GRID1: variants seen among roughly 807,000 people sequenced by gnomAD.
GRID1 encodes the protein glutamate ionotropic receptor delta type subunit 1, also known as glutamate receptor ionotropic, delta-1.
In GRID1, 28 loss-of-function variants were observed where a neutral mutation model predicts 98.0. The observed-to-expected ratio is 0.29, with a 90% CI of 0.21 to 0.39. The LOEUF is 0.39. Among genes scored for constraint, GRID1 ranks in the 10% least tolerant of loss-of-function variants. The pLI, the probability that GRID1 is intolerant of heterozygous loss-of-function variation, is 1.00. For synonymous variants in GRID1, 553 were observed against 538.5 expected, an observed-to-expected ratio of 1.03 and a Z score of -0.37; for missense variants, 1,111 against 1,340.5, an observed-to-expected ratio of 0.83 and a Z score of 2.67.
At chr10:86,028,615 G>A (rs544754590) in intron 4 of GRID1, among the ~76,000 whole-genome samples, 1 of 152,190 alleles carries the variant, frequency 6.6e-6, no homozygotes, top group African/African-American at 2.4e-5. Flanking sequence ...AGCATGTGAT[G>A]CTCAGTCTTT....
At chr10:85,724,203 T>C in intron 11 of GRID1, 149 bp downstream of exon 11, 1 of 575,816 alleles carries the variant, frequency 1.7e-6, no homozygotes. Flanking sequence ...TCAGAGAAAT[T>C]GGGTGCAGCA....
chr10:86,323,930 G>GGTGTAAT (rs1451868090), intron 2 of GRID1, among the ~76,000 whole-genome samples: 1 of 152,192 alleles, frequency 6.6e-6, no homozygotes, highest in Admixed American at 6.5e-5. Flanking sequence ...TGTAATCCCA[G>GGTGTAAT]CACTTCGGGA....
intron 4 of GRID1, among the ~76,000 whole-genome samples, chr10:85,953,247 T>C (rs928774894): frequency 6.6e-6 from 1 of 152,088 alleles, no homozygotes; most frequent in Non-Finnish European, 1.5e-5. Context: ...CTGGAGGCCA[T>C]TATTCTTAGC....
chr10:86,242,517 C>T (rs1040008536), intron 2 of GRID1, among the ~76,000 whole-genome samples: 1 of 152,204 alleles, frequency 6.6e-6, no homozygotes, highest in Non-Finnish European at 1.5e-5. Context: ...CATTCACAGG[C>T]CCTGGCTCAG....
intron 4 of GRID1, among the ~76,000 whole-genome samples, chr10:85,997,617 G>A (rs904447078): frequency 6.6e-6 from 1 of 151,686 alleles, no homozygotes. Context: ...CAAAAGGAAT[G>A]GTAAAAAATG....
At chr10:86,119,706 G>A (rs569581259) in intron 4 of GRID1, among the ~76,000 whole-genome samples, 22 of 152,268 alleles carry the variant, frequency 1.4e-4, no homozygotes, top group African/African-American at 4.8e-4. Context: ...AGGGCATCCT[G>A]TTTCCTGAGG....
intron 3 of GRID1, among the ~76,000 whole-genome samples, chr10:86,141,125 T>A (rs560962005): frequency 6.6e-6 from 1 of 151,808 alleles, no homozygotes; most frequent in Non-Finnish European, 1.5e-5. Flanking sequence ...AGGGCCGAGA[T>A]GAAGTGGCCA....
chr10:85,952,937 A>G (rs1338075243), intron 4 of GRID1, among the ~76,000 whole-genome samples: 2 of 152,186 alleles, frequency 1.3e-5, no homozygotes, highest in Non-Finnish European at 2.9e-5. Flanking sequence ...AACATTTATG[A>G]TGATTATTTC....
intron 4 of GRID1, among the ~76,000 whole-genome samples, chr10:86,076,548 G>A (rs1038840536): frequency 2.6e-5 from 4 of 152,168 alleles, no homozygotes; most frequent in African/African-American, 4.8e-5. Flanking sequence ...ATGTGATGGC[G>A]GAAGCTGGCA....
chr10:86,204,594 C>T (rs1307711131), intron 3 of GRID1, among the ~76,000 whole-genome samples: 1 of 152,362 alleles, frequency 6.6e-6, no homozygotes, highest in East Asian at 1.9e-4. Context: ...GCAAGTGCCA[C>T]CAGGCCTTGT....
chr10:86,278,343 G>A (rs188640409), intron 2 of GRID1, among the ~76,000 whole-genome samples: 41 of 152,112 alleles, frequency 2.7e-4, no homozygotes, highest in African/African-American at 9.4e-4. Context: ...GGTCAATCCA[G>A]TGACCTGGGT....
rs1842541293 is a variant in GRID1, at chr10:85,599,627, G to A, written c.*2646C>T. 1 of 151,402 alleles carries A rather than the reference G, an allele frequency of 6.6e-6. No individual in the cohort carries two copies. Among genetic ancestry groups the A allele is most frequent in the African/African-American group, 2.4e-5 (1 of 40,928 alleles). The allele number at this position is 151,402 out of a possible 1,614,324, so 9.4% of individuals were successfully genotyped here. On this transcript the variant is annotated 3_prime_UTR_variant, in exon 16 of 16. Transcript: ENST00000327946. The stretch of plus-strand genomic sequence containing the variant: ...TGAAGGCACAAAATATACCTAAAAT[G>A]TATGGAATAGTCTAAACAGAGTTAT...
intron 2 of GRID1, among the ~76,000 whole-genome samples, chr10:86,245,788 C>T (rs912891839): frequency 6.6e-6 from 1 of 152,242 alleles, no homozygotes; most frequent in Non-Finnish European, 1.5e-5. Flanking sequence ...CCCCGCTTCC[C>T]ACCAGCCACA....
At chr10:86,272,927 T>G (rs1314920902) in intron 2 of GRID1, among the ~76,000 whole-genome samples, 1 of 152,180 alleles carries the variant, frequency 6.6e-6, no homozygotes, top group Admixed American at 6.5e-5. Flanking sequence ...TTATTATTAT[T>G]ATACTTTAAG....
At chr10:86,104,405 G>A (rs1358908954) in intron 4 of GRID1, among the ~76,000 whole-genome samples, 1 of 152,112 alleles carries the variant, frequency 6.6e-6, no homozygotes, top group Non-Finnish European at 1.5e-5. Flanking sequence ...AACCCACGAG[G>A]GGCACAACTC....
intron 8 of GRID1, among the ~76,000 whole-genome samples, chr10:85,754,952 T>TA (rs1453137008): frequency 6.6e-6 from 1 of 152,208 alleles, no homozygotes; most frequent in Non-Finnish European, 1.5e-5. Context: ...TTATCATTGT[T>TA]ACAATTTTTC....
At chr10:86,280,251 C>T (rs1000107650) in intron 2 of GRID1, among the ~76,000 whole-genome samples, 1 of 152,132 alleles carries the variant, frequency 6.6e-6, no homozygotes, top group Non-Finnish European at 1.5e-5. Flanking sequence ...TTGTATATTA[C>T]AAATTTAAAA....
chr10:86,265,658 A>C (rs895260216), intron 2 of GRID1, among the ~76,000 whole-genome samples: 2 of 152,198 alleles, frequency 1.3e-5, no homozygotes, highest in South Asian at 4.1e-4. Flanking sequence ...AAGAGGGCTG[A>C]GCCCCTCAGG....
At chr10:86,214,566 C>T (rs1564708560) in intron 2 of GRID1, among the ~76,000 whole-genome samples, 1 of 152,204 alleles carries the variant, frequency 6.6e-6, no homozygotes, top group African/African-American at 2.4e-5. Context: ...CAGCACAGCA[C>T]AGCAGAGCAA....
Sources: allele counts gnomAD v4.1 joint callset (sites outside exome capture counted in the v4.1 genomes callset), GRCh38; gene constraint gnomAD v4.1.1; transcripts MANE v1.5; gene names NCBI Gene and HGNC (gene_info 2026-07-23, HGNC 2026-07-21).